Variants in RAC2 observed in about 807,000 individuals in gnomAD.
RAC2 encodes Rac family small GTPase 2, also known as ras-related C3 botulinum toxin substrate 2.
Under a neutral mutation model 24.0 loss-of-function variants are expected in RAC2, and 1 was observed. The ratio of observed to expected loss-of-function variants is 0.04; its 90% CI spans 0.01 to 0.20. The LOEUF is 0.20. Ranked by LOEUF, RAC2 falls within the 10% of genes least tolerant of loss-of-function variation. The pLI is 1.00. For synonymous variants in RAC2, 114 were observed against 106.8 expected (o/e 1.07, Z -0.41); for missense variants, 130 against 259.1 (o/e 0.50, Z 3.42).
In RAC2 at chr22:37,232,916, A is replaced by G; in HGVS notation, c.110T>C (p.Phe37Ser). ...CATCACATTGGCTGAATAGTTGTCAAACCTGTGGGGAGCAGGCAAGGCGGA... is the reference window on the plus strand; with the variant it reads ...CATCACATTGGCTGAATAGTTGTCAGACCTGTGGGGAGCAGGCAAGGCGGA... ...AFPGEYIPTV[F>S]DNYSANVMVD... The change falls in exon 3 of 7, where the codon TTT (phenylalanine) becomes TCT (serine). Residue 37 changes from phenylalanine (F) to serine (S), a missense_variant and splice_region_variant. Phe to Ser is a radical substitution (Grantham distance 155). Transcript: ENST00000249071. The G allele has an allele frequency of 6.2e-7, 1 of 1,612,754 alleles. No individual in the cohort carries two copies. Among genetic ancestry groups the G allele is most frequent in the Non-Finnish European group, 8.5e-7 (1 of 1,178,864 alleles).
rs192456330 is a variant in RAC2 at position 37,242,188 on chromosome 22, A to G, written c.36-530T>C. On this transcript the variant is annotated intron_variant, in intron 1 of 6. Transcript: ENST00000249071. ...AAGCACTGAGCACAGGGCCTGATGC[A>G]TGGCAGCAGCCGATGGCTGCTAGGG... Among the ~76,000 whole-genome samples, 6 of 152,308 alleles carry G rather than the reference A, an allele frequency of 3.9e-5. No homozygotes were observed. In the East Asian group the frequency reaches 5.8e-4, roughly 15 times the overall value.
chr22:37,240,038 C>T (rs1479169547), intron 2 of RAC2, among the ~76,000 whole-genome samples: 1 of 152,210 alleles, frequency 6.6e-6, no homozygotes, highest in Non-Finnish European at 1.5e-5. Context: ...GCTAGGGTTT[C>T]CCTGCCCTCT....
At chr22:37,226,905 C>G in intron 5 of RAC2, 102 bp from the exon 6 acceptor site, 1 of 1,446,342 alleles carries the variant, frequency 6.9e-7, no homozygotes, top group Non-Finnish European at 9.5e-7. Flanking sequence ...GCCATACACC[C>G]CTCCCACGCC....
At chr22:37,236,529 A>G (rs1487662173) in intron 2 of RAC2, among the ~76,000 whole-genome samples, 1 of 152,242 alleles carries the variant, frequency 6.6e-6, no homozygotes, top group Non-Finnish European at 1.5e-5. Flanking sequence ...AGAAAGGCCC[A>G]CATGGTAAGC....
At position 37,232,783 on chromosome 22, in the gene RAC2, C is replaced by A; in HGVS notation, c.225+18G>T. ...GACAGCAAAGGTCAGGACTGCAAGG[C>A]AGGTGGGAGCAGCACACCGTCTGTG... On this transcript the variant is annotated intron_variant, in intron 3 of 6. Coordinates refer to ENST00000249071, the MANE Select transcript of RAC2 (RefSeq NM_002872.5). The A allele has an allele frequency of 1.3e-6, 2 of 1,593,396 alleles. No homozygotes were observed. The highest frequency in any genetic ancestry group is 2.2e-5 in the East Asian group (1 of 44,768).
At chr22:37,226,837 T>C (rs772051631) in intron 5 of RAC2, 34 bp from the exon 6 acceptor site, 1 of 1,600,346 alleles carries the variant, frequency 6.2e-7, no homozygotes, top group Non-Finnish European at 8.5e-7. Flanking sequence ...AGCCAAGGCC[T>C]AAGTGGCGGG....
In RAC2 at chr22:37,231,219, C is replaced by T. The variant is rs373971208; in HGVS notation, c.448+12G>A. ...TGCAGCCAGATCGCCCCTCTGAGCC[C>T]GAGGCCCATACCAATCTCCTTGGCC... On this transcript the variant is annotated intron_variant, in intron 5 of 6. Coordinates refer to ENST00000249071, the MANE Select transcript of RAC2 (RefSeq NM_002872.5). This position sits in a 1 kb window ranked among gnomAD's most constrained non-coding sequence, Gnocchi z 5.5. 7.1e-5 allele frequency: 114 copies of T among 1,612,878 alleles called. No individual in the cohort carries two copies. The highest frequency in any genetic ancestry group is 1.6e-4 in the South Asian group (15 of 91,024).
intron 1 of RAC2, 140 bp from the exon 2 acceptor site, chr22:37,241,798 C>T: frequency 1.3e-6 from 1 of 753,824 alleles, no homozygotes; most frequent in East Asian, 2.6e-5. Context: ...TGTGAGATGC[C>T]CCCTGTCTGT....
intron 1 of RAC2, among the ~76,000 whole-genome samples, chr22:37,242,447 C>T (rs1301483299): frequency 6.6e-6 from 1 of 152,186 alleles, no homozygotes; most frequent in Non-Finnish European, 1.5e-5. Context: ...GAAGTGATAA[C>T]GCGCGCCTCC....
intron 2 of RAC2, among the ~76,000 whole-genome samples, chr22:37,237,201 A>AAGGGAGGAAGGG (rs1386292827): frequency 5.9e-5 from 8 of 135,168 alleles, no homozygotes; most frequent in Non-Finnish European, 9.6e-5. Flanking sequence ...GGAAGGAAGG[A>AAGGGAGGAAGGG]AGGGAGGAAG....
At position 37,231,146 on chromosome 22, in the gene RAC2, G is replaced by A. The variant is rs540429824; in HGVS notation, c.448+85C>T. On this transcript the variant is annotated intron_variant, in intron 5 of 6. Transcript: ENST00000249071. The surrounding 1 kb of genome is among the most constrained non-coding windows in gnomAD (Gnocchi z 5.5). Reference sequence around the variant, plus strand: ...AGTTCAAACTGCACAGCCTGGCCCTGCAGCCCGTGTTTACAATCACACCAC... The same window carrying A: ...AGTTCAAACTGCACAGCCTGGCCCTACAGCCCGTGTTTACAATCACACCAC... 40 of 1,523,698 alleles carry A rather than the reference G, an allele frequency of 2.6e-5. No individual in the cohort carries two copies. The highest frequency in any genetic ancestry group is 1.0e-4 in the South Asian group (9 of 88,942). 94.4% of individuals were successfully genotyped at this position (1,523,698 alleles called of 1,614,324 possible). A position where few individuals can be genotyped will look rare whatever the true frequency, so the allele number is the denominator to read the frequency against.
In RAC2 at chr22:37,241,687, C is replaced by T. The variant is rs555895499; in HGVS notation, c.36-29G>A. 112 of 1,593,028 alleles carry T rather than the reference C, an allele frequency of 7.0e-5. No homozygotes were observed. In the African/African-American group the frequency reaches 7.4e-4, roughly 10 times the overall value. On this transcript the variant is annotated intron_variant, in intron 1 of 6. Transcript: ENST00000249071. ...AAAGACAGGAAGTGCAAGAGGGCGG[C>T]GGTCATGGGCTCTGCCGGAGACGTG...
chr22:37,236,855 G>C (rs747763701), intron 2 of RAC2, among the ~76,000 whole-genome samples: 2 of 152,196 alleles, frequency 1.3e-5, no homozygotes, highest in Non-Finnish European at 2.9e-5. Flanking sequence ...GAACCAGCAA[G>C]GGGCCAAGCC....
In RAC2 at chr22:37,226,983, C is replaced by T. The variant is rs376843788; in HGVS notation, c.449-180G>A. ...CCTCCCACGCCATACACCCCTCCCACGCCATACACCCTCCCTCCCACGCCA... is the reference window on the plus strand; with the variant it reads ...CCTCCCACGCCATACACCCCTCCCATGCCATACACCCTCCCTCCCACGCCA... On this transcript the variant is annotated intron_variant, in intron 5 of 6. Transcript: ENST00000249071. Among the ~76,000 whole-genome samples the T allele has an allele frequency of 1.6e-3, 129 of 79,276 alleles. 1 individual carries two copies. In the East Asian group the frequency reaches 0.019, roughly 12 times the overall value. 52.0% of individuals were successfully genotyped at this position (79,276 alleles called of 152,430 possible).
Position 37,242,651 on chromosome 22 carries a change from C to T in RAC2, c.36-993G>A, listed in dbSNP as rs541194272. 6.2e-4 allele frequency among the ~76,000 whole-genome samples: 94 copies of T among 152,372 alleles called. No individual in the cohort carries two copies. The South Asian group carries it at 0.017, about 28-fold the overall frequency. Reference sequence around the variant, plus strand: ...CCGAGGTAATTTTGAATGACTGGAACGTTAACCCTTGACTTCCGCCCGCCC... The same window carrying T: ...CCGAGGTAATTTTGAATGACTGGAATGTTAACCCTTGACTTCCGCCCGCCC... On this transcript the variant is annotated intron_variant, in intron 1 of 6. Transcript: ENST00000249071.
At chr22:37,232,104 GAA>G in intron 3 of RAC2, 110 bp from the exon 4 acceptor site, 5 of 1,092,148 alleles carry the variant, frequency 4.6e-6, no homozygotes, top group Non-Finnish European at 6.8e-6. Context: ...ACACCCCAGG[GAA>G]TGCTGGGGAC....
rs765318577 is a variant in RAC2 at position 37,231,414 on chromosome 22, CA to C, written c.289-25del. 3 of 1,613,146 alleles carry C rather than the reference CA, an allele frequency of 1.9e-6. No homozygotes were observed. Among genetic ancestry groups the C allele is most frequent in the Admixed American group, 1.7e-5 (1 of 59,990 alleles). On this transcript the variant is annotated intron_variant, in intron 4 of 6. Transcript: ENST00000249071. The surrounding 1 kb of genome is among the most constrained non-coding windows in gnomAD (Gnocchi z 5.5). ...CACTGGGCAGGTGGGTGGGGGGACA[CA>C]AGGTTGTATGGGTCAAGAGGGGGCG... is the stretch of plus-strand genomic sequence containing the variant.
In RAC2 at chr22:37,232,833, C is replaced by T. The variant is rs1927109981; in HGVS notation, c.193G>A (p.Asp65Asn). 1.9e-6 allele frequency: 3 copies of T among 1,613,902 alleles called. No homozygotes were observed. The highest frequency in any genetic ancestry group is 1.3e-5 in the African/African-American group (1 of 74,912). Residue 65 changes from aspartate to asparagine, a missense_variant, in exon 3 of 7, where the codon GAC becomes AAC. Asp to Asn is a conservative substitution (Grantham distance 23). Transcript: ENST00000249071. Reference sequence around the variant, plus strand: ...GGATAGGAGAGCGGCCGGAGACGGTCGTAGTCCTCCTGCCCAGCAGTGTCC... The same window carrying T: ...GGATAGGAGAGCGGCCGGAGACGGTTGTAGTCCTCCTGCCCAGCAGTGTCC... Reference protein sequence around the residue: ...LWDTAGQEDYDRLRPLSYPQT... With the variant: ...LWDTAGQEDYNRLRPLSYPQT...
At chr22:37,227,353 T>C (rs558232640) in intron 5 of RAC2, among the ~76,000 whole-genome samples, 1 of 16 alleles carries the variant, frequency 0.062, no homozygotes, top group Non-Finnish European at 0.17. Context: ...CCACGCCATA[T>C]ACCCCTCCCA....
Sources: gnomAD v4.1 joint callset for allele counts (sites outside exome capture counted in the v4.1 genomes callset) on GRCh38, gnomAD v4.1.1 for gene constraint, Gnocchi (gnomAD v3.1) non-coding constraint, MANE v1.5 for transcripts, NCBI Gene and HGNC (gene_info 2026-07-23, HGNC 2026-07-21) for gene names.